Variants in SGTB observed in about 807,000 individuals in gnomAD.
The protein encoded by SGTB is small glutamine-rich tetratricopeptide repeat-containing protein beta.
In SGTB, 19 loss-of-function variants were observed where a neutral mutation model predicts 43.9. The ratio of observed to expected loss-of-function variants is 0.43; its 90% CI spans 0.30 to 0.63. The LOEUF (loss-of-function observed/expected upper bound fraction) is 0.63. SGTB is among the 30% of genes least tolerant of loss of function. The pLI is 0.12. For missense variants in SGTB, 304 were observed against 358.9 expected (o/e 0.85, Z 1.24); for synonymous variants, 116 against 117.3 (o/e 0.99, Z 0.07).
chr5:65,687,994 C>A (rs1367462937), intron 5 of SGTB, among the ~76,000 whole-genome samples: 1 of 152,082 alleles, frequency 6.6e-6, no homozygotes, highest in Non-Finnish European at 1.5e-5. Context: ...ATCTTGAACT[C>A]CTGACCTCAA....
chr5:65,700,464 C>T (rs1232600646), intron 5 of SGTB, among the ~76,000 whole-genome samples: 35 of 151,450 alleles, frequency 2.3e-4, no homozygotes, highest in Admixed American at 2.2e-3. Context: ...GTCAGGAGAT[C>T]GAGACCATCC....
intron 5 of SGTB, among the ~76,000 whole-genome samples, chr5:65,697,094 T>C (rs957747174): frequency 6.6e-6 from 1 of 152,190 alleles, no homozygotes; most frequent in Non-Finnish European, 1.5e-5. Context: ...GCAGAGGTAG[T>C]TGGCAAGATT....
upstream of SGTB, chr5:65,722,397 T>G (rs752802221): frequency 6.3e-7 from 1 of 1,591,164 alleles, no homozygotes; most frequent in South Asian, 1.1e-5. Context: ...GCCTTTTGGC[T>G]GTGCGAAGCC....
At chr5:65,709,176 G>A (rs150812783) in intron 3 of SGTB, among the ~76,000 whole-genome samples, 1 of 152,084 alleles carries the variant, frequency 6.6e-6, no homozygotes, top group Non-Finnish European at 1.5e-5. Flanking sequence ...ATATGATCAA[G>A]GGATTGTTTA....
At chr5:65,678,459 C>T (rs1194909443) in intron 8 of SGTB, among the ~76,000 whole-genome samples, 2 of 152,176 alleles carry the variant, frequency 1.3e-5, no homozygotes, top group Admixed American at 1.3e-4. Flanking sequence ...TCCCATTAAA[C>T]TACCATTGAC....
At chr5:65,694,978 C>T (rs1337694242) in intron 5 of SGTB, among the ~76,000 whole-genome samples, 1 of 152,080 alleles carries the variant, frequency 6.6e-6, no homozygotes, top group East Asian at 1.9e-4. Flanking sequence ...TAGAAAAGAT[C>T]TTATGCGTCA....
chr5:65,720,506 A>G (rs1015747047), intron 2 of SGTB, among the ~76,000 whole-genome samples: 3 of 152,232 alleles, frequency 2.0e-5, no homozygotes, highest in Non-Finnish European at 4.4e-5. Flanking sequence ...TAAATGAACA[A>G]TAGTCCTCTT....
intron 3 of SGTB, among the ~76,000 whole-genome samples, chr5:65,711,561 C>A (rs945721324): frequency 2.0e-5 from 3 of 152,228 alleles, no homozygotes; most frequent in African/African-American, 7.2e-5. Flanking sequence ...GAAAGAACCA[C>A]AGCCCACCAT....
At chr5:65,722,557 G>T, upstream of SGTB, 2 of 738,748 alleles carry the variant, frequency 2.7e-6, no homozygotes, top group Non-Finnish European at 4.2e-6. Context: ...TTGCAAGGTG[G>T]ACCCCTGGGG....
Position 65,665,967 on chromosome 5 carries a change from T to C in SGTB, c.*4279A>G, listed in dbSNP as rs907849164. The C allele has an allele frequency of 2.6e-5, 4 of 152,560 alleles. No individual in the cohort carries two copies. Among genetic ancestry groups the C allele is most frequent in the Admixed American group, 6.5e-5 (1 of 15,270 alleles). 9.5% of individuals were successfully genotyped at this position (152,560 alleles called of 1,614,324 possible). A position where few individuals can be genotyped will look rare whatever the true frequency, so the allele number is the denominator to read the frequency against. On this transcript the variant is annotated 3_prime_UTR_variant, in exon 11 of 11. Coordinates refer to ENST00000381007, the MANE Select transcript of SGTB (RefSeq NM_019072.3). ...CATCATTATTTATTGCCATAACAAA[T>C]TGTTTGGTCCAAAATGAAAGCTATA...
At chr5:65,677,839 C>T (rs543067196) in intron 8 of SGTB, among the ~76,000 whole-genome samples, 11 of 152,128 alleles carry the variant, frequency 7.2e-5, no homozygotes, top group African/African-American at 2.7e-4. Flanking sequence ...AAGGAACATA[C>T]CTCAAAATAA....
Position 65,672,226 on chromosome 5 carries a change from C to G in SGTB, c.719+18G>C. The G allele has an allele frequency of 1.2e-6, 2 of 1,613,824 alleles. No individual in the cohort carries two copies. Among genetic ancestry groups the G allele is most frequent in the South Asian group, 1.1e-5 (1 of 91,056 alleles). ...GGAAGGGTTGGGGAAGTGTAATAAG[C>G]TCTTTCTATATACTTACAGCTGTTG... On this transcript the variant is annotated intron_variant, in intron 9 of 10. Coordinates refer to ENST00000381007, the MANE Select transcript of SGTB (RefSeq NM_019072.3).
At chr5:65,713,949 A>G (rs1758098381) in intron 2 of SGTB, among the ~76,000 whole-genome samples, 3 of 144,990 alleles carry the variant, frequency 2.1e-5, no homozygotes, top group Admixed American at 6.7e-5. Flanking sequence ...GGATTGCTTG[A>G]GCCTGGGAGG....
At chr5:65,687,949 A>G (rs1048745484) in intron 5 of SGTB, among the ~76,000 whole-genome samples, 6 of 152,018 alleles carry the variant, frequency 3.9e-5, no homozygotes, top group Admixed American at 2.6e-4. Context: ...TCGTATTTTT[A>G]GTAGAGACAG....
At chr5:65,684,257 G>A (rs1034782849) in intron 6 of SGTB, among the ~76,000 whole-genome samples, 5 of 151,788 alleles carry the variant, frequency 3.3e-5, no homozygotes, top group African/African-American at 1.2e-4. Context: ...GATAATTTTT[G>A]TATTTTTATA....
chr5:65,711,079 C>T (rs541441873), intron 3 of SGTB, among the ~76,000 whole-genome samples: 27 of 151,512 alleles, frequency 1.8e-4, no homozygotes, highest in South Asian at 8.3e-4. Context: ...GCAGAAGAAT[C>T]GCTTGAACCC....
chr5:65,701,243 G>A (rs1291546862), intron 5 of SGTB, among the ~76,000 whole-genome samples: 1 of 151,980 alleles, frequency 6.6e-6, no homozygotes, highest in East Asian at 1.9e-4. Flanking sequence ...TGAAATATTG[G>A]ATCAAGTTAA....
At chr5:65,722,177 G>C, upstream of SGTB, 1 of 261,542 alleles carries the variant, frequency 3.8e-6, no homozygotes, top group East Asian at 7.2e-5. Context: ...GCGAGCTGGG[G>C]CGGGGCACGG....
intron 4 of SGTB, among the ~76,000 whole-genome samples, chr5:65,707,675 C>T (rs1757961776): frequency 1.3e-5 from 2 of 152,064 alleles, no homozygotes; most frequent in Admixed American, 1.3e-4. Context: ...CCTTGTGATC[C>T]ACCCACCTCG....
Sources: gnomAD v4.1 joint callset for allele counts (sites outside exome capture counted in the v4.1 genomes callset) on GRCh38, gnomAD v4.1.1 for gene constraint, MANE v1.5 for transcripts, NCBI Gene and HGNC (gene_info 2026-07-23, HGNC 2026-07-21) for gene names.